Variants in GLYR1 observed in about 807,000 individuals in gnomAD.
GLYR1 encodes cytokine-like nuclear factor N-PAC.
In GLYR1, 21 loss-of-function variants were observed where a neutral mutation model predicts 72.7. The ratio of observed to expected loss-of-function variants is 0.29; its 90% confidence interval spans 0.20 to 0.42. The LOEUF (loss-of-function observed/expected upper bound fraction) is 0.42, where lower values mean the gene tolerates loss of function less well. Among genes scored for constraint, GLYR1 ranks in the 10% least tolerant of loss-of-function variants. GLYR1 has a pLI of 1.00. For synonymous variants in GLYR1, 392 were observed against 270.2 expected (o/e 1.45, Z -4.42); for missense variants, 594 against 712.1 (o/e 0.83, Z 1.89).
intron 12 of GLYR1, among the ~76,000 whole-genome samples, chr16:4,812,841 G>C (rs951378096): frequency 2.6e-5 from 4 of 151,522 alleles, no homozygotes; most frequent in Non-Finnish European, 5.9e-5. Context: ...CTGTTGCCCA[G>C]GCTGGAGTGC....
At position 4,805,248 on chromosome 16, in the gene GLYR1, G is replaced by C. The variant is rs1452013099; in HGVS notation, c.1650C>G (p.Ala550=). The C allele has an allele frequency of 7.4e-6, 12 of 1,613,956 alleles. No individual in the cohort carries two copies. Among genetic ancestry groups the C allele is most frequent in the Non-Finnish European group, 1.0e-5 (12 of 1,179,998 alleles). ...SDNDMSAVYR[A]YIH The stretch of plus-strand genomic sequence containing the variant: ...GGGTGTCGACAGCTTAGTGTATGTA[G>C]GCTCGGTACACGGCGGACATATCGT... The change falls in exon 16 of 16, where the codon GCC becomes GCG. Residue 550 remains alanine (A), a synonymous_variant. Coordinates refer to ENST00000321919, the MANE Select transcript of GLYR1 (RefSeq NM_032569.4).
Position 4,803,317 on chromosome 16 carries a change from G to C in GLYR1, c.*1919C>G, listed in dbSNP as rs746893195. 3 of 152,586 alleles carry C rather than the reference G, an allele frequency of 2.0e-5. No homozygotes were observed. The highest frequency in any genetic ancestry group is 2.9e-5 in the Non-Finnish European group (2 of 68,026). The allele number at this position is 152,586 out of a possible 1,614,324, so 9.5% of individuals were successfully genotyped here. ...CACAATCCTATTCTGAAAGACAAATGTTCATTAAAAACAAAGCAAAAATAA... is the reference window on the plus strand; with the variant it reads ...CACAATCCTATTCTGAAAGACAAATCTTCATTAAAAACAAAGCAAAAATAA... On this transcript the variant is annotated 3_prime_UTR_variant, in exon 16 of 16. Transcript: ENST00000321919.
At chr16:4,836,597 T>A (rs955285635) in intron 3 of GLYR1, among the ~76,000 whole-genome samples, 2 of 152,150 alleles carry the variant, frequency 1.3e-5, no homozygotes, top group African/African-American at 2.4e-5. Context: ...TCGTAAGATA[T>A]CTGGCTACGT....
chr16:4,838,417 T>C (rs1018810075), intron 3 of GLYR1, among the ~76,000 whole-genome samples: 1 of 152,098 alleles, frequency 6.6e-6, no homozygotes, highest in Non-Finnish European at 1.5e-5. Flanking sequence ...AGGGCTGCTG[T>C]GAGGACTGGA....
Position 4,821,936 on chromosome 16 carries a change from C to T in GLYR1, c.682-339G>A, listed in dbSNP as rs549908509. Among the ~76,000 whole-genome samples the T allele has an allele frequency of 1.4e-4, 22 of 152,374 alleles. No homozygotes were observed. The South Asian group carries it at 3.5e-3, about 24-fold the overall frequency. ...TTGCAGACCTTGGGAGGACCTCCCT[C>T]TGCATCCGCAGGACTTGGAGACTAC... On this transcript the variant is annotated intron_variant, in intron 7 of 15. Transcript: ENST00000321919.
intron 3 of GLYR1, among the ~76,000 whole-genome samples, chr16:4,841,114 T>C (rs1026426309): frequency 2.0e-5 from 3 of 152,176 alleles, no homozygotes; most frequent in South Asian, 4.1e-4. Context: ...CCCACTTGTT[T>C]ACAACCCTCC....
chr16:4,835,921 C>A (rs1037236460), intron 3 of GLYR1, among the ~76,000 whole-genome samples: 1 of 152,162 alleles, frequency 6.6e-6, no homozygotes, highest in South Asian at 2.1e-4. Context: ...CTTTGGCTAT[C>A]TGAATACAAT....
chr16:4,842,012 C>A (rs139005078), intron 3 of GLYR1, among the ~76,000 whole-genome samples: 19 of 152,054 alleles, frequency 1.2e-4, no homozygotes, highest in East Asian at 1.9e-4. Flanking sequence ...GAGGCCGAGG[C>A]GGGCAGATCA....
intron 15 of GLYR1, among the ~76,000 whole-genome samples, chr16:4,805,759 C>T (rs1001920161): frequency 2.0e-5 from 3 of 151,836 alleles, no homozygotes; most frequent in African/African-American, 4.8e-5. Context: ...GGGTGAATCA[C>T]GAGGTCAGGA....
chr16:4,843,545 A>G (rs1262126603), intron 3 of GLYR1: 30 of 1,288,966 alleles, frequency 2.3e-5, no homozygotes, highest in Non-Finnish European at 3.0e-5. Context: ...TCTCCTTGAA[A>G]TACTGCCACC....
At chr16:4,846,851 C>A in intron 1 of GLYR1, 1 of 326,488 alleles carries the variant, frequency 3.1e-6, no homozygotes, top group Non-Finnish European at 5.7e-6. Flanking sequence ...CCGGCCAGAT[C>A]TCGCAGGTCC....
chr16:4,832,926 A>AAC lies in GLYR1; in HGVS notation c.156-16_156-15dup. ...TTGATCCAGGCACTAGCAGAAAACA[A>AAC]ACACAAAAAGGGTGTGAACCATATA... On this transcript the variant is annotated splice_polypyrimidine_tract_variant and intron_variant, in intron 3 of 15. Transcript: ENST00000321919. 6.2e-7 allele frequency: 1 copy of AAC among 1,607,216 alleles called. No individual in the cohort carries two copies. Among genetic ancestry groups the AAC allele is most frequent in the South Asian group, 1.1e-5 (1 of 89,540 alleles).
At chr16:4,831,062 T>C (rs1032642776) in intron 5 of GLYR1, among the ~76,000 whole-genome samples, 2 of 152,326 alleles carry the variant, frequency 1.3e-5, no homozygotes, top group Middle Eastern at 3.4e-3. Flanking sequence ...AAGCCACCTC[T>C]ACATCCCCAG....
intron 15 of GLYR1, 105 bp downstream of exon 15, chr16:4,811,065 A>T (rs1027179230): frequency 7.2e-7 from 1 of 1,386,898 alleles, no homozygotes; most frequent in East Asian, 2.4e-5. Context: ...AGATCGCACC[A>T]GTGCACTCTA....
intron 3 of GLYR1, chr16:4,843,339 G>A (rs913659673): frequency 4.9e-6 from 2 of 407,016 alleles, no homozygotes; most frequent in Non-Finnish European, 7.5e-6. Context: ...ATTTTTTGTA[G>A]AGACGGGGTT....
chr16:4,838,850 G>C (rs967436557), intron 3 of GLYR1, among the ~76,000 whole-genome samples: 1 of 152,060 alleles, frequency 6.6e-6, no homozygotes, highest in Non-Finnish European at 1.5e-5. Flanking sequence ...CCCTTTGAAA[G>C]TTCTGGGATT....
At chr16:4,824,658 C>G (rs1378117187) in intron 5 of GLYR1, among the ~76,000 whole-genome samples, 1 of 152,104 alleles carries the variant, frequency 6.6e-6, no homozygotes, top group Non-Finnish European at 1.5e-5. Flanking sequence ...GTGGCCAGAG[C>G]CCAAGAGCCT....
At chr16:4,805,606 C>T (rs745760088) in intron 15 of GLYR1, among the ~76,000 whole-genome samples, 57 of 152,176 alleles carry the variant, frequency 3.7e-4, no homozygotes, top group Non-Finnish European at 2.5e-4. Flanking sequence ...CCTGTAAGGC[C>T]GAGGTGGGTG....
chr16:4,845,220 A>T lies in GLYR1; in HGVS notation c.76-67T>A. Reference sequence around the variant, plus strand: ...GCAGCCCACTTTCTAGTGGCTCCACATTGCTCTACAGTTCTACGTTGCTAA... The same window carrying T: ...GCAGCCCACTTTCTAGTGGCTCCACTTTGCTCTACAGTTCTACGTTGCTAA... On this transcript the variant is annotated intron_variant, in intron 2 of 15. Coordinates refer to ENST00000321919, the MANE Select transcript of GLYR1 (RefSeq NM_032569.4). 3 of 1,033,454 alleles carry T rather than the reference A, an allele frequency of 2.9e-6. No homozygotes were observed. The South Asian group carries it at 3.8e-5, about 13-fold the overall frequency. The allele number at this position is 1,033,454 out of a possible 1,614,324, so 64.0% of individuals were successfully genotyped here.
Sources: gnomAD v4.1 joint callset for allele counts (sites outside exome capture counted in the v4.1 genomes callset) on GRCh38, gnomAD v4.1.1 for gene constraint, MANE v1.5 for transcripts, NCBI Gene and HGNC (gene_info 2026-07-23, HGNC 2026-07-21) for gene names.